TMEM135: variants seen among roughly 807,000 people sequenced by gnomAD.
TMEM135 encodes transmembrane protein 135.
TMEM135 carries 30 observed loss-of-function variants against 60.3 expected under a neutral mutation model. That is an observed-to-expected ratio of 0.50 (90% CI 0.37 to 0.68). TMEM135 has a LOEUF of 0.68. Among genes scored for constraint, TMEM135 ranks in the 30% least tolerant of loss-of-function variants. TMEM135 has a pLI of 0.00. For missense variants in TMEM135, 468 were observed against 548.8 expected, an observed-to-expected ratio of 0.85 and a Z score of 1.47; for synonymous variants, 190 against 186.7, an observed-to-expected ratio of 1.02 and a Z score of -0.14.
intron 5 of TMEM135, among the ~76,000 whole-genome samples, chr11:87,191,494 G>A (rs1939798259): frequency 6.6e-6 from 1 of 152,120 alleles, no homozygotes; most frequent in South Asian, 2.1e-4. Flanking sequence ...GCCTGCCTCG[G>A]CCTCCCAAAG....
chr11:87,316,147 G>T (rs1321677181), intron 12 of TMEM135, among the ~76,000 whole-genome samples: 1 of 152,004 alleles, frequency 6.6e-6, no homozygotes, highest in East Asian at 1.9e-4. Context: ...TGGAGCTAGA[G>T]AATCTCCCTC....
rs72965601 is a variant in TMEM135 at position 87,095,367 on chromosome 11, C to T, written c.396+3972C>T. 668 of 216,684 alleles carry T rather than the reference C, an allele frequency of 3.1e-3. 3 individuals are homozygous for T. Among genetic ancestry groups the T allele is most frequent in the Non-Finnish European group, 4.0e-3 (394 of 99,062 alleles). 13.4% of individuals were successfully genotyped at this position (216,684 alleles called of 1,614,324 possible). A position where few individuals can be genotyped will look rare whatever the true frequency, so the allele number is the denominator to read the frequency against. On this transcript the variant is annotated intron_variant, in intron 4 of 14. Coordinates refer to ENST00000305494, the MANE Select transcript of TMEM135 (RefSeq NM_022918.4). ...TTCCCAATTTTTCAGTTTTCTACCACAATAAAAGCACTGCACTTGGTCATC... is the reference window on the plus strand; with the variant it reads ...TTCCCAATTTTTCAGTTTTCTACCATAATAAAAGCACTGCACTTGGTCATC...
chr11:87,230,923 G>T (rs562403262), intron 5 of TMEM135, among the ~76,000 whole-genome samples: 7 of 151,826 alleles, frequency 4.6e-5, no homozygotes, highest in Non-Finnish European at 1.0e-4. Context: ...TTTGATACCC[G>T]TGATAGATTT....
intron 8 of TMEM135, among the ~76,000 whole-genome samples, chr11:87,305,178 T>C (rs11824457): frequency 0.036 from 5,503 of 152,270 alleles, 94 homozygotes; most frequent in Admixed American, 0.046. Context: ...AACCTGAGCA[T>C]GTTCTCATTA....
intron 1 of TMEM135, among the ~76,000 whole-genome samples, chr11:87,058,231 A>G (rs914722921): frequency 2.0e-5 from 3 of 152,200 alleles, no homozygotes; most frequent in South Asian, 4.1e-4. Context: ...ATTTGACCAA[A>G]TGTCTAGGCA....
chr11:87,296,561 T>C (rs1275561569), intron 7 of TMEM135, among the ~76,000 whole-genome samples: 1 of 152,158 alleles, frequency 6.6e-6, no homozygotes, highest in Non-Finnish European at 1.5e-5. Flanking sequence ...TAGTATGGTT[T>C]TTACTGCAAA....
chr11:87,138,388 G>A (rs1938167506), intron 4 of TMEM135, among the ~76,000 whole-genome samples: 1 of 152,142 alleles, frequency 6.6e-6, no homozygotes, highest in South Asian at 2.1e-4. Context: ...ACTGCGCCCA[G>A]CTCCAAATTG....
intron 6 of TMEM135, chr11:87,258,820 G>A (rs636320): frequency 3.1e-6 from 2 of 645,184 alleles, no homozygotes; most frequent in Admixed American, 2.4e-5. Flanking sequence ...CTTCTCCCAC[G>A]GAGACAGCTC....
At chr11:87,085,402 C>T (rs1379092834) in intron 3 of TMEM135, among the ~76,000 whole-genome samples, 2 of 152,148 alleles carry the variant, frequency 1.3e-5, no homozygotes, top group Admixed American at 6.5e-5. Flanking sequence ...TTTAGTCTTC[C>T]TCAAAGAATA....
At chr11:87,192,415 G>T (rs189043267) in intron 5 of TMEM135, among the ~76,000 whole-genome samples, 16 of 151,952 alleles carry the variant, frequency 1.1e-4, no homozygotes, top group Admixed American at 4.6e-4. Flanking sequence ...TTTGCTGTAA[G>T]TCAATAGGAA....
At position 87,261,579 on chromosome 11, in the gene TMEM135, G is replaced by C. The variant is rs116208139; in HGVS notation, c.509+24895G>C. Among the ~76,000 whole-genome samples the C allele has an allele frequency of 8.6e-3, 1,315 of 152,040 alleles. 25 individuals are homozygous for C. The highest frequency in any genetic ancestry group is 0.029 in the African/African-American group (1,221 of 41,454). On this transcript the variant is annotated intron_variant, in intron 6 of 14. Transcript: ENST00000305494. ...CACCCCTTTATATACCTCCCTCTTT[G>C]TACTTCTCTCTTTTTAGTTCAAACC... is the stretch of plus-strand genomic sequence containing the variant.
chr11:87,040,457 G>A (rs1198853484), intron 1 of TMEM135, among the ~76,000 whole-genome samples: 2 of 151,856 alleles, frequency 1.3e-5, no homozygotes, highest in African/African-American at 2.4e-5. Flanking sequence ...TCAGGCGTTC[G>A]AGACCAGCCA....
In TMEM135 at chr11:87,134,060, AG is replaced by A. The variant is rs565496925; in HGVS notation, c.397-23278del. 4.0e-4 allele frequency among the ~76,000 whole-genome samples: 60 copies of A among 151,736 alleles called. 1 individual carries two copies. In the East Asian group the frequency reaches 0.011, roughly 27 times the overall value. On this transcript the variant is annotated intron_variant, in intron 4 of 14. Coordinates refer to ENST00000305494, the MANE Select transcript of TMEM135 (RefSeq NM_022918.4). ...GGGGTGCTGGTTATATTAGTTTTCTAGGGCTGCCATAACAAGTAACACAGAC... is the reference window on the plus strand; with the variant it reads ...GGGGTGCTGGTTATATTAGTTTTCTAGGCTGCCATAACAAGTAACACAGAC...
chr11:87,091,311 A>G (rs1312232021), intron 3 of TMEM135, 51 bp from the exon 4 acceptor site: 1 of 1,485,626 alleles, frequency 6.7e-7, no homozygotes, highest in South Asian at 1.1e-5. Flanking sequence ...TGATAAAGTG[A>G]TTACTAAGTC....
At chr11:87,307,383 A>G (rs1942568263) in intron 9 of TMEM135, among the ~76,000 whole-genome samples, 2 of 151,264 alleles carry the variant, frequency 1.3e-5, no homozygotes, top group South Asian at 4.2e-4. Flanking sequence ...AAGTGGCCAA[A>G]AAAAAAAAAA....
intron 4 of TMEM135, chr11:87,094,716 T>A (rs1857284614): frequency 4.9e-6 from 1 of 203,784 alleles, no homozygotes; most frequent in South Asian, 1.1e-4. Flanking sequence ...TGTGTCTTTC[T>A]GAGCACTCAA....
chr11:87,327,889 C>G lies in TMEM135; in HGVS notation c.*6556C>G, dbSNP rs968516715. ...TGCAGGGGAGAGAGAGAAGCCAATT[C>G]TCCTTTCTTCTGTTTTTATTCTACC... is the stretch of plus-strand genomic sequence containing the variant. On this transcript the variant is annotated 3_prime_UTR_variant, in exon 15 of 15. Transcript: ENST00000305494. 3 of 453,938 alleles carry G rather than the reference C, an allele frequency of 6.6e-6. No individual in the cohort carries two copies. Among genetic ancestry groups the G allele is most frequent in the Non-Finnish European group, 1.3e-5 (3 of 226,752 alleles). 28.1% of individuals were successfully genotyped at this position (453,938 alleles called of 1,614,324 possible).
chr11:87,227,371 T>C (rs1940787449), intron 5 of TMEM135, among the ~76,000 whole-genome samples: 1 of 152,086 alleles, frequency 6.6e-6, no homozygotes, highest in South Asian at 2.1e-4. Flanking sequence ...TTTAAAGAAT[T>C]ACAGTGATTT....
At chr11:87,275,971 G>T (rs1375989356) in intron 6 of TMEM135, among the ~76,000 whole-genome samples, 3 of 152,078 alleles carry the variant, frequency 2.0e-5, no homozygotes, top group Admixed American at 6.6e-5. Flanking sequence ...CGCTAGTGTG[G>T]ATTTTAACAT....
Sources: gnomAD v4.1 joint callset for allele counts (sites outside exome capture counted in the v4.1 genomes callset) on GRCh38, gnomAD v4.1.1 for gene constraint, MANE v1.5 for transcripts, NCBI Gene and HGNC (gene_info 2026-07-23, HGNC 2026-07-21) for gene names.